FER1L5: variants seen among roughly 807,000 people sequenced by gnomAD.
FER1L5 encodes the protein fer-1 like family member 5.
FER1L5 carries 187 observed loss-of-function variants against 279.9 expected under a neutral mutation model. The ratio of observed to expected loss-of-function variants is 0.67; its 90% CI spans 0.59 to 0.75. The LOEUF is 0.75. FER1L5 is among the 30% of genes least tolerant of loss of function. The pLI is 0.00. For missense variants in FER1L5, 2,091 were observed against 2,594.4 expected (o/e 0.81, Z 4.21); for synonymous variants, 921 against 989.7 (o/e 0.93, Z 1.30).
intron 26 of FER1L5, 47 bp from the exon 27 acceptor site, chr2:96,690,440 C>A (rs754769197): frequency 3.3e-6 from 5 of 1,523,610 alleles, no homozygotes; most frequent in Non-Finnish European, 4.5e-6. Context: ...AGGGCAGCCT[C>A]CTCCCAGCTC....
chr2:96,651,036 G>A (rs529140751), intron 6 of FER1L5, among the ~76,000 whole-genome samples: 38 of 152,294 alleles, frequency 2.5e-4, no homozygotes, highest in Admixed American at 1.9e-3. Context: ...TTTCAAAGAT[G>A]TCACTCTTAT....
Position 96,669,124 on chromosome 2 carries a change from A to C in FER1L5, c.1349A>C (p.Gln450Pro). ...HGGKKAPFRI[Q>P]EEGACIPDSV... ...GGTAAAAAGGCCCCTTTCAGGATCCAGGAAGAAGGCGCTGTAAGCTTCTCA... is the reference window on the plus strand; with the variant it reads ...GGTAAAAAGGCCCCTTTCAGGATCCCGGAAGAAGGCGCTGTAAGCTTCTCA... Residue 450 changes from glutamine to proline, a missense_variant, in exon 17 of 53, where the codon CAG (glutamine) becomes CCG (proline). Physicochemically the swap from Gln to Pro is moderately conservative, Grantham distance 76. Transcript: ENST00000624922. 6.4e-7 allele frequency: 1 copy of C among 1,551,628 alleles called. No homozygotes were observed. Among genetic ancestry groups the C allele is most frequent in the Non-Finnish European group, 8.7e-7 (1 of 1,146,982 alleles).
intron 24 of FER1L5, among the ~76,000 whole-genome samples, chr2:96,688,660 TA>T (rs2077025269): frequency 6.6e-6 from 1 of 151,890 alleles, no homozygotes; most frequent in Non-Finnish European, 1.5e-5. Flanking sequence ...GGATACATCA[TA>T]ATATGTCTAA....
rs1004110571 is a variant in FER1L5, at chr2:96,650,205, G to A, written c.420G>A (p.Thr140=). ...GAGCTGAAGACCACCTGGGCATAAC[G>A]GCAAGAGAGGCAGCCAGTCAGAAAC... ...KTGAEDHLGI[T]AREAASQKLM... The change falls in exon 6 of 53, where the codon ACG becomes ACA. Residue 140 remains threonine, a synonymous_variant. Transcript: ENST00000624922. 6 of 1,551,570 alleles carry A rather than the reference G, an allele frequency of 3.9e-6. No individual in the cohort carries two copies. The highest frequency in any genetic ancestry group is 2.7e-5 in the African/African-American group (2 of 73,030).
chr2:96,655,183 A>G (rs1042067784), intron 9 of FER1L5, among the ~76,000 whole-genome samples: 6 of 152,194 alleles, frequency 3.9e-5, no homozygotes, highest in Admixed American at 1.3e-4. Flanking sequence ...CCTACATGTT[A>G]GGGAAACTCA....
rs1350493565 is a variant in FER1L5, at chr2:96,695,656, A to G, written c.3889A>G (p.Thr1297Ala). 1 of 1,605,972 alleles carries G rather than the reference A, an allele frequency of 6.2e-7. No homozygotes were observed. Among genetic ancestry groups the G allele is most frequent in the Non-Finnish European group, 8.5e-7 (1 of 1,175,784 alleles). ...CGAGTCTGAGTCTGTCCTAGTCCTCACAGTGGTAAGAGGCCCCAGGGCAGG... is the reference window on the plus strand; with the variant it reads ...CGAGTCTGAGTCTGTCCTAGTCCTCGCAGTGGTAAGAGGCCCCAGGGCAGG... Reference protein sequence around the residue: ...FPESESVLVLTVLMPTEEAYA... With the variant: ...FPESESVLVLAVLMPTEEAYA... The change falls in exon 35 of 53, where the codon ACA becomes GCA. Residue 1297 changes from threonine (T) to alanine (A), a missense_variant. By Grantham distance (58) the Thr-to-Ala change is moderately conservative. Transcript: ENST00000624922.
At chr2:96,680,083 T>C (rs1336635323) in intron 19 of FER1L5, among the ~76,000 whole-genome samples, 2 of 152,132 alleles carry the variant, frequency 1.3e-5, no homozygotes, top group African/African-American at 2.4e-5. Context: ...GCTGCTGCGC[T>C]TCACCCCTTG....
At chr2:96,676,761 G>A (rs1031679379) in intron 19 of FER1L5, among the ~76,000 whole-genome samples, 2 of 151,594 alleles carry the variant, frequency 1.3e-5, no homozygotes, top group East Asian at 3.9e-4. Context: ...TTAATAATAT[G>A]CCACCTCACA....
chr2:96,698,655 A>G lies in FER1L5; in HGVS notation c.4357-16A>G. 6.4e-7 allele frequency: 1 copy of G among 1,563,958 alleles called. No homozygotes were observed. Among genetic ancestry groups the G allele is most frequent in the Non-Finnish European group, 8.7e-7 (1 of 1,154,720 alleles). ...AGCACTGCCAGGCTGGGCCCCCAAC[A>G]CCCTCCCCCCGCCAGGGCCTTTTCC... On this transcript the variant is annotated splice_polypyrimidine_tract_variant and intron_variant, in intron 40 of 52. Transcript: ENST00000624922. The surrounding 1 kb of genome is among the most constrained non-coding windows in gnomAD (Gnocchi z 5.5).
chr2:96,698,115 G>A lies in FER1L5; in HGVS notation c.4315G>A (p.Glu1439Lys). 6.3e-7 allele frequency: 1 copy of A among 1,584,310 alleles called. No homozygotes were observed. The highest frequency in any genetic ancestry group is 8.6e-7 in the Non-Finnish European group (1 of 1,165,558). Residue 1439 changes from glutamate (E) to lysine (K), a missense_variant, in exon 40 of 53, where the codon GAG (glutamate) becomes AAG (lysine). Transcript: ENST00000624922. The surrounding 1 kb of genome is among the most constrained non-coding windows in gnomAD (Gnocchi z 5.5). ...CTGCCAGACCTTCAAACTCTACCAGGAGCAGCCCAAGTTGGACAGCCCCGT... is the reference window on the plus strand; with the variant it reads ...CTGCCAGACCTTCAAACTCTACCAGAAGCAGCCCAAGTTGGACAGCCCCGT... Reference protein sequence around the residue: ...DFCQTFKLYQEQPKLDSPVVG... With the variant: ...DFCQTFKLYQKQPKLDSPVVG...
rs2077073715 is a variant in FER1L5, at chr2:96,689,845, G to C, written c.2640+87G>C. The C allele has an allele frequency of 7.6e-6, 9 of 1,177,396 alleles. No individual in the cohort carries two copies. Among genetic ancestry groups the C allele is most frequent in the Middle Eastern group, 2.9e-4 (1 of 3,456 alleles). The allele number at this position is 1,177,396 out of a possible 1,614,324, so 72.9% of individuals were successfully genotyped here. ...TGGAAGCTGGGGGTCCCAGTGGAAA[G>C]GGTCTGAGCCCTATGCCCTGCACTA... On this transcript the variant is annotated intron_variant, in intron 26 of 52. Transcript: ENST00000624922. The surrounding 1 kb of genome is among the most constrained non-coding windows in gnomAD (Gnocchi z 4.6).
At chr2:96,692,503 A>T (rs992836503) in intron 31 of FER1L5, among the ~76,000 whole-genome samples, 1 of 152,204 alleles carries the variant, frequency 6.6e-6, no homozygotes. Flanking sequence ...CTGTGGAATT[A>T]GAAGTGGGAG....
In FER1L5 at chr2:96,702,143, T is replaced by G. The variant is rs947599441; in HGVS notation, c.5159+100T>G. 1 of 1,571,344 alleles carries G rather than the reference T, an allele frequency of 6.4e-7. No homozygotes were observed. The highest frequency in any genetic ancestry group is 1.4e-5 in the African/African-American group (1 of 73,224). On this transcript the variant is annotated intron_variant, in intron 46 of 52. Transcript: ENST00000624922. This position sits in a 1 kb window ranked among gnomAD's most constrained non-coding sequence, Gnocchi z 4.0. ...CAGGTACTGAGCTGCAGTAATTCGT[T>G]TCTCTATTGGGAAGAGAGGAAGCTC...
intron 10 of FER1L5, 129 bp from the exon 11 acceptor site, chr2:96,661,196 G>A (rs1184415074): frequency 1.3e-5 from 8 of 618,508 alleles, no homozygotes; most frequent in Admixed American, 3.2e-5. Context: ...CTTTTCCTCT[G>A]CCACTGGATA....
intron 9 of FER1L5, among the ~76,000 whole-genome samples, chr2:96,659,367 T>C (rs1486910461): frequency 8.7e-5 from 1 of 11,478 alleles, no homozygotes; most frequent in Non-Finnish European, 1.4e-4. Context: ...CCTTCCTTCT[T>C]TCTTTCTTTC....
rs1429279025 is a variant in FER1L5 at position 96,701,947 on chromosome 2, G to A, written c.5071-8G>A. On this transcript the variant is annotated splice_polypyrimidine_tract_variant and splice_region_variant and intron_variant, in intron 45 of 52. Coordinates refer to ENST00000624922, the MANE Select transcript of FER1L5 (RefSeq NM_001293083.2). ...AACCCCCAACCAGTCAATGTATCCC[G>A]GCTCTAGGGAAAGGTGCAAATGTGG... 5 of 1,613,802 alleles carry A rather than the reference G, an allele frequency of 3.1e-6. No homozygotes were observed. The highest frequency in any genetic ancestry group is 1.7e-5 in the Admixed American group (1 of 59,998).
chr2:96,647,678 C>T (rs1388153595), intron 3 of FER1L5, 100 bp from the exon 4 acceptor site: 1 of 833,670 alleles, frequency 1.2e-6, no homozygotes, highest in African/African-American at 1.7e-5. Context: ...GACAGCACAG[C>T]CCTGGGAGGA....
Position 96,702,887 on chromosome 2 carries a change from G to T in FER1L5, c.5398-91G>T. 1 of 1,532,248 alleles carries T rather than the reference G, an allele frequency of 6.5e-7. No individual in the cohort carries two copies. The highest frequency in any genetic ancestry group is 8.8e-7 in the Non-Finnish European group (1 of 1,130,434). The allele number at this position is 1,532,248 out of a possible 1,614,324, so 94.9% of individuals were successfully genotyped here. ...CAGGTGGAAACCCTCTTCCTTGATA[G>T]TCTATCACTGCTGGGTGGAGGGCCA... On this transcript the variant is annotated intron_variant, in intron 48 of 52. Coordinates refer to ENST00000624922, the MANE Select transcript of FER1L5 (RefSeq NM_001293083.2). The surrounding 1 kb of genome is among the most constrained non-coding windows in gnomAD (Gnocchi z 4.0).
At chr2:96,665,943 C>G (rs2076111346) in intron 14 of FER1L5, among the ~76,000 whole-genome samples, 1 of 152,148 alleles carries the variant, frequency 6.6e-6, no homozygotes, top group South Asian at 2.1e-4. Context: ...TCCCTCATCC[C>G]TGAGAGAGGC....
Sources: allele counts gnomAD v4.1 joint callset (sites outside exome capture counted in the v4.1 genomes callset), GRCh38; gene constraint gnomAD v4.1.1; non-coding constraint Gnocchi (gnomAD v3.1); transcripts MANE v1.5; gene names NCBI Gene and HGNC (gene_info 2026-07-23, HGNC 2026-07-21).